SIDT1: variants seen among roughly 807,000 people sequenced by gnomAD.
SIDT1 encodes SID1 transmembrane family member 1, also known as SID1 transmembrane family, member 1.
Under a neutral mutation model 107.5 loss-of-function variants are expected in SIDT1, and 101 were observed. The observed-to-expected ratio is 0.94, with a 90% CI of 0.80 to 1.11. The LOEUF (loss-of-function observed/expected upper bound fraction) is 1.11, where lower values mean the gene tolerates loss of function less well. Among genes scored for constraint, SIDT1 ranks in the 50% least tolerant of loss-of-function variants. SIDT1 has a pLI of 0.00. For synonymous variants in SIDT1, 395 were observed against 398.2 expected, an observed-to-expected ratio of 0.99 and a Z score of 0.10; for missense variants, 1,076 against 1,058.2, an observed-to-expected ratio of 1.02 and a Z score of -0.23.
At chr3:113,554,600 C>T (rs1940639731) in intron 1 of SIDT1, among the ~76,000 whole-genome samples, 3 of 152,284 alleles carry the variant, frequency 2.0e-5, no homozygotes, top group Admixed American at 1.3e-4. Flanking sequence ...TGAGGCCTCC[C>T]CAGCCATGTG....
At chr3:113,619,891 C>G (rs1946342549) in intron 21 of SIDT1, 165 bp downstream of exon 21, 2 of 629,588 alleles carry the variant, frequency 3.2e-6, no homozygotes, top group Admixed American at 2.6e-5. Flanking sequence ...TCTCGTGTAG[C>G]AATTGTAGCC....
At position 113,566,416 on chromosome 3, in the gene SIDT1, G is replaced by A; in HGVS notation, c.223-4G>A. 6.2e-7 allele frequency: 1 copy of A among 1,613,210 alleles called. No individual in the cohort carries two copies. The highest frequency in any genetic ancestry group is 1.7e-5 in the Admixed American group (1 of 59,942). ...GCATTACCTCTTTCTACCCTGCCAT[G>A]CAGGTGACAGCCGTGAGGGTGTATG... is the stretch of plus-strand genomic sequence containing the variant. On this transcript the variant is annotated splice_region_variant and splice_polypyrimidine_tract_variant and intron_variant, in intron 1 of 24. Coordinates refer to ENST00000264852, the MANE Select transcript of SIDT1 (RefSeq NM_017699.3).
intron 1 of SIDT1, among the ~76,000 whole-genome samples, chr3:113,562,713 G>A (rs1181764513): frequency 6.6e-6 from 1 of 152,162 alleles, no homozygotes; most frequent in Non-Finnish European, 1.5e-5. Flanking sequence ...AGGAAGGAAT[G>A]AGGAGTGACT....
intron 1 of SIDT1, among the ~76,000 whole-genome samples, chr3:113,534,250 T>G (rs2107545890): frequency 6.6e-6 from 1 of 152,134 alleles, no homozygotes; most frequent in East Asian, 1.9e-4. Context: ...TATGCCTCCG[T>G]CTGATTCTCA....
chr3:113,542,607 T>A (rs1038345948), intron 1 of SIDT1, among the ~76,000 whole-genome samples: 2 of 152,218 alleles, frequency 1.3e-5, no homozygotes, highest in Non-Finnish European at 2.9e-5. Context: ...GGAACATAAC[T>A]GCAATCCTTA....
chr3:113,538,759 G>A (rs1045291365), intron 1 of SIDT1, among the ~76,000 whole-genome samples: 2 of 152,186 alleles, frequency 1.3e-5, no homozygotes, highest in East Asian at 3.8e-4. Flanking sequence ...GAGGAAATGA[G>A]ATTTGAGAAG....
chr3:113,631,160 T>G (rs1441733663), downstream of SIDT1, among the ~76,000 whole-genome samples: 2 of 152,226 alleles, frequency 1.3e-5, no homozygotes, highest in Non-Finnish European at 2.9e-5. Context: ...TCATCACTGC[T>G]GTCTCTGCCC....
intron 3 of SIDT1, among the ~76,000 whole-genome samples, chr3:113,570,989 A>G (rs1314358768): frequency 6.6e-6 from 1 of 152,208 alleles, no homozygotes; most frequent in South Asian, 2.1e-4. Context: ...CAAAATCAAG[A>G]CTAAATTGTA....
intron 19 of SIDT1, among the ~76,000 whole-genome samples, chr3:113,613,583 C>T (rs529901596): frequency 1.3e-5 from 2 of 152,312 alleles, no homozygotes; most frequent in African/African-American, 4.8e-5. Flanking sequence ...CCAAATCCCC[C>T]AGTTACTTGA....
At chr3:113,562,280 T>C (rs986074665) in intron 1 of SIDT1, among the ~76,000 whole-genome samples, 1 of 152,162 alleles carries the variant, frequency 6.6e-6, no homozygotes, top group Non-Finnish European at 1.5e-5. Flanking sequence ...GAATGTAAAA[T>C]GATGTAACTC....
At chr3:113,576,881 CT>C in intron 3 of SIDT1, 40 bp from the exon 4 acceptor site, 1 of 1,603,002 alleles carries the variant, frequency 6.2e-7, no homozygotes, top group Non-Finnish European at 8.5e-7. Flanking sequence ...ATGCTTTTCT[CT>C]CACTTTTCCC....
chr3:113,582,743 C>CAAAG lies in SIDT1; in HGVS notation c.748-663_748-662insGAAA, dbSNP rs1389777741. Among the ~76,000 whole-genome samples the CAAAG allele has an allele frequency of 3.9e-5, 6 of 151,928 alleles. No homozygotes were observed. The South Asian group carries it at 1.0e-3, about 26-fold the overall frequency. Reference sequence around the variant, plus strand: ...ATGAGCGAAACTCCTTCTCAAAAAACAAACAAACAAACAAAATGATTTACA... The same window carrying CAAAG: ...ATGAGCGAAACTCCTTCTCAAAAAACAAAGAAACAAACAAACAAAATGATTTACA... On this transcript the variant is annotated intron_variant, in intron 6 of 24. Transcript: ENST00000264852.
chr3:113,601,526 A>G, intron 10 of SIDT1, 62 bp from the exon 11 acceptor site: 1 of 1,105,902 alleles, frequency 9.0e-7, no homozygotes, highest in Non-Finnish European at 1.4e-6. Context: ...GCTACTTAGA[A>G]TAGTGTTGTT....
chr3:113,574,379 A>G (rs958912361), intron 3 of SIDT1, among the ~76,000 whole-genome samples: 1 of 152,228 alleles, frequency 6.6e-6, no homozygotes, highest in Non-Finnish European at 1.5e-5. Flanking sequence ...TCTGAAGTTC[A>G]TAGTTCAAGT....
intron 10 of SIDT1, among the ~76,000 whole-genome samples, chr3:113,599,922 T>C (rs1249513993): frequency 6.6e-6 from 1 of 152,212 alleles, no homozygotes; most frequent in Non-Finnish European, 1.5e-5. Flanking sequence ...TGGAAAGTGA[T>C]GGATATGTTA....
At chr3:113,613,077 C>T (rs979867490) in intron 19 of SIDT1, among the ~76,000 whole-genome samples, 11 of 152,222 alleles carry the variant, frequency 7.2e-5, no homozygotes, top group Non-Finnish European at 1.6e-4. Context: ...ATTTAAAATT[C>T]TTGGTTTCTC....
chr3:113,623,536 AGAGCGGGTGCCG>A lies in SIDT1; in HGVS notation c.2196+6_2196+17del. On this transcript the variant is annotated splice_donor_5th_base_variant and intron_variant, in intron 22 of 24. Coordinates refer to ENST00000264852, the MANE Select transcript of SIDT1 (RefSeq NM_017699.3). ...GGCCTTTTACATCATCATGAAGGTAAGAGCGGGTGCCGGGAGCGGCTACCTCGGGCCCTCGGG... is the reference window on the plus strand; with the variant it reads ...GGCCTTTTACATCATCATGAAGGTAAGGAGCGGCTACCTCGGGCCCTCGGG... 1.2e-6 allele frequency: 2 copies of A among 1,612,148 alleles called. No individual in the cohort carries two copies. The highest frequency in any genetic ancestry group is 1.7e-6 in the Non-Finnish European group (2 of 1,178,208).
chr3:113,589,465 A>C (rs1480882651), intron 9 of SIDT1, among the ~76,000 whole-genome samples: 1 of 152,148 alleles, frequency 6.6e-6, no homozygotes, highest in Admixed American at 6.5e-5. Context: ...AATTATTAAA[A>C]AGGAACTTCA....
chr3:113,558,187 G>T (rs1941079634), intron 1 of SIDT1, among the ~76,000 whole-genome samples: 1 of 152,194 alleles, frequency 6.6e-6, no homozygotes, highest in African/African-American at 2.4e-5. Flanking sequence ...AATGAGGGTT[G>T]TCACTCAGAA....
Sources: gnomAD v4.1 joint callset for allele counts (sites outside exome capture counted in the v4.1 genomes callset) on GRCh38, gnomAD v4.1.1 for gene constraint, MANE v1.5 for transcripts, NCBI Gene and HGNC (gene_info 2026-07-23, HGNC 2026-07-21) for gene names.